RABGAP1L: variants seen among roughly 807,000 people sequenced by gnomAD.
RABGAP1L encodes the protein RAB GTPase activating protein 1 like.
In RABGAP1L, 63 loss-of-function variants were observed where a neutral mutation model predicts 137.7. That is an observed-to-expected ratio of 0.46 (90% confidence interval 0.37 to 0.56). The LOEUF is 0.56. RABGAP1L is among the 20% of genes least tolerant of loss of function. The pLI, the probability that RABGAP1L is intolerant of heterozygous loss-of-function variation, is 0.00. For synonymous variants in RABGAP1L, 431 were observed against 433.7 expected (o/e 0.99, Z 0.08); for missense variants, 1,095 against 1,244.0 (o/e 0.88, Z 1.80).
rs9286899 is a variant in RABGAP1L, at chr1:174,773,163, G to GGTGTGTGTGTGTGTGTGTGTGTGTGT, written c.2211+20829_2211+20830insGTGTGTGTGTGTGTGTGTGTGTGTGT. ...AGTGTTCTTAACTTCTAAGCTATGGGGTGTGTGTGTGTGTGTGTGTTTATT... is the reference window on the plus strand; with the variant it reads ...AGTGTTCTTAACTTCTAAGCTATGGGGTGTGTGTGTGTGTGTGTGTGTGTGTGTGTGTGTGTGTGTGTGTGTTTATT... On this transcript the variant is annotated intron_variant, in intron 18 of 25. Transcript: ENST00000681986. 3.3e-4 allele frequency among the ~76,000 whole-genome samples: 50 copies of GGTGTGTGTGTGTGTGTGTGTGTGTGT among 149,548 alleles called. 1 individual carries two copies. The highest frequency in any genetic ancestry group is 2.5e-3 in the Admixed American group (37 of 14,920).
Position 174,817,470 on chromosome 1 carries a change from G to T in RABGAP1L, c.2340+5510G>T, listed in dbSNP as rs77890517. On this transcript the variant is annotated intron_variant, in intron 19 of 25. Coordinates refer to ENST00000681986, the MANE Select transcript of RABGAP1L (RefSeq NM_001366446.1). ...CCATAGGTAAAAAAAATATGGAGTTGCCCAAGACCTGAATGTAGGTCATGA... is the reference window on the plus strand; with the variant it reads ...CCATAGGTAAAAAAAATATGGAGTTTCCCAAGACCTGAATGTAGGTCATGA... 3.8e-3 allele frequency among the ~76,000 whole-genome samples: 586 copies of T among 152,236 alleles called. 6 individuals are homozygous for T. Among genetic ancestry groups the T allele is most frequent in the African/African-American group, 0.014 (566 of 41,548 alleles).
At chr1:174,727,762 A>G (rs1401245084) in intron 17 of RABGAP1L, among the ~76,000 whole-genome samples, 1 of 152,256 alleles carries the variant, frequency 6.6e-6, no homozygotes, top group African/African-American at 2.4e-5. Context: ...CACAATGTAT[A>G]TGTTTTGAAA....
At position 174,219,183 on chromosome 1, in the gene RABGAP1L, A is replaced by G. The variant is rs748412316; in HGVS notation, c.26A>G (p.Lys9Arg). ...ATGGAGGTCAGAGCTTCATTACAGAAGGTTAGTGGATCATCTGATTCTGTG... is the reference window on the plus strand; with the variant it reads ...ATGGAGGTCAGAGCTTCATTACAGAGGGTTAGTGGATCATCTGATTCTGTG... MEVRASLQ[K>R]VSGSSDSVAT... The change falls in exon 2 of 26, where the codon AAG becomes AGG. Residue 9 changes from lysine (K) to arginine (R), a missense_variant. Coordinates refer to ENST00000681986, the MANE Select transcript of RABGAP1L (RefSeq NM_001366446.1). The G allele has an allele frequency of 2.5e-6, 4 of 1,604,704 alleles. No homozygotes were observed. The highest frequency in any genetic ancestry group is 3.4e-6 in the Non-Finnish European group (4 of 1,175,260).
chr1:174,178,230 C>T (rs969083511), intron 1 of RABGAP1L, among the ~76,000 whole-genome samples: 3 of 152,042 alleles, frequency 2.0e-5, no homozygotes, highest in Admixed American at 1.3e-4. Flanking sequence ...TTATTTTATT[C>T]TCTTTGTAGC....
intron 13 of RABGAP1L, among the ~76,000 whole-genome samples, chr1:174,527,930 G>A (rs1307462700): frequency 2.3e-5 from 1 of 43,970 alleles, no homozygotes; most frequent in Non-Finnish European, 4.1e-5. Context: ...ACCTTATTTT[G>A]ACTCAATGTC....
intron 13 of RABGAP1L, among the ~76,000 whole-genome samples, chr1:174,477,943 T>C (rs2149323218): frequency 6.6e-6 from 1 of 152,274 alleles, no homozygotes; most frequent in South Asian, 2.1e-4. Context: ...GCTGCTAATA[T>C]AGATAGGATT....
At chr1:174,664,544 G>A (rs1572727832) in intron 14 of RABGAP1L, among the ~76,000 whole-genome samples, 1 of 151,892 alleles carries the variant, frequency 6.6e-6, no homozygotes, top group African/African-American at 2.4e-5. Flanking sequence ...TAAAAATAAT[G>A]TATTATTTGA....
At chr1:174,375,592 TA>T (rs1285805364) in intron 12 of RABGAP1L, among the ~76,000 whole-genome samples, 1 of 152,156 alleles carries the variant, frequency 6.6e-6, no homozygotes, top group Non-Finnish European at 1.5e-5. Flanking sequence ...TCACTGTCTA[TA>T]AATTTAGAAG....
intron 13 of RABGAP1L, among the ~76,000 whole-genome samples, chr1:174,428,335 C>T (rs1571755643): frequency 6.6e-6 from 1 of 152,058 alleles, no homozygotes; most frequent in Non-Finnish European, 1.5e-5. Flanking sequence ...TGGATGGAAA[C>T]GAGGTATGGG....
intron 17 of RABGAP1L, among the ~76,000 whole-genome samples, chr1:174,748,936 G>A (rs1319956784): frequency 6.6e-6 from 1 of 151,898 alleles, no homozygotes; most frequent in Non-Finnish European, 1.5e-5. Context: ...CGGCACTTTG[G>A]GAGGCCAAGA....
chr1:174,242,188 C>T (rs1274466651), intron 5 of RABGAP1L, among the ~76,000 whole-genome samples: 1 of 152,176 alleles, frequency 6.6e-6, no homozygotes, highest in Non-Finnish European at 1.5e-5. Flanking sequence ...TACAAATGCT[C>T]ACTTAAAGCA....
chr1:174,352,719 G>A (rs561894251), intron 11 of RABGAP1L, among the ~76,000 whole-genome samples: 10 of 152,282 alleles, frequency 6.6e-5, no homozygotes, highest in Admixed American at 3.3e-4. Context: ...TTCTTCCTGG[G>A]AAGGCTTTCC....
chr1:174,718,028 C>A lies in RABGAP1L; in HGVS notation c.2169+15772C>A, dbSNP rs545789584. ...TGTCCCAGTTGCTCCTCAACAGTAA[C>A]ACCTGAGTCTTCTTAGCCACCTTTC... On this transcript the variant is annotated intron_variant, in intron 17 of 25. Transcript: ENST00000681986. Among the ~76,000 whole-genome samples the A allele has an allele frequency of 7.2e-5, 11 of 152,296 alleles. 1 individual carries two copies. In the South Asian group the frequency reaches 2.3e-3, roughly 32 times the overall value.
chr1:174,670,200 G>T (rs1376376018), intron 14 of RABGAP1L, among the ~76,000 whole-genome samples: 1 of 151,452 alleles, frequency 6.6e-6, no homozygotes, highest in African/African-American at 2.4e-5. Flanking sequence ...CACTTCCTTG[G>T]TTAAATTTAT....
At chr1:174,876,143 A>G (rs1437699613) in intron 19 of RABGAP1L, among the ~76,000 whole-genome samples, 2 of 152,328 alleles carry the variant, frequency 1.3e-5, no homozygotes, top group Non-Finnish European at 1.5e-5. Context: ...TTTGGAAAAC[A>G]TGGGAAAATA....
intron 13 of RABGAP1L, among the ~76,000 whole-genome samples, chr1:174,595,533 G>A (rs1298109928): frequency 3.4e-5 from 4 of 117,842 alleles, no homozygotes; most frequent in African/African-American, 7.0e-5. Context: ...ATGGGTTTTC[G>A]GTGTAGATGT....
At chr1:174,414,121 G>A (rs1650265438) in intron 13 of RABGAP1L, among the ~76,000 whole-genome samples, 1 of 151,996 alleles carries the variant, frequency 6.6e-6, no homozygotes, top group South Asian at 2.1e-4. Context: ...AATTATAACA[G>A]ACTAGTAGCT....
At chr1:174,487,957 C>G (rs912882624) in intron 13 of RABGAP1L, among the ~76,000 whole-genome samples, 1 of 152,092 alleles carries the variant, frequency 6.6e-6, no homozygotes, top group Non-Finnish European at 1.5e-5. Context: ...TTTGTTGCTT[C>G]TATTTATATC....
intron 14 of RABGAP1L, among the ~76,000 whole-genome samples, chr1:174,666,499 G>A (rs1362034761): frequency 6.6e-6 from 1 of 152,184 alleles, no homozygotes; most frequent in Non-Finnish European, 1.5e-5. Context: ...TTTATCAATA[G>A]CAAGTAAACT....
Sources: allele counts gnomAD v4.1 joint callset (sites outside exome capture counted in the v4.1 genomes callset), GRCh38; gene constraint gnomAD v4.1.1; transcripts MANE v1.5; gene names NCBI Gene and HGNC (gene_info 2026-07-23, HGNC 2026-07-21).